ANO1: variants seen among roughly 807,000 people sequenced by gnomAD.
ANO1 encodes the protein anoctamin 1.
Under a neutral mutation model 124.0 loss-of-function variants are expected in ANO1, and 59 were observed. That is an observed-to-expected ratio of 0.48 (90% CI 0.39 to 0.59). The LOEUF (loss-of-function observed/expected upper bound fraction) is 0.59, where lower values mean the gene tolerates loss of function less well. Among genes scored for constraint, ANO1 ranks in the 20% least tolerant of loss-of-function variants. The probability of loss-of-function intolerance (pLI) is 0.00; values close to 1 mark genes in which losing one functional copy is unlikely to be tolerated. For synonymous variants in ANO1, 529 were observed against 532.0 expected (o/e 0.99, Z 0.08); for missense variants, 1,059 against 1,328.0 (o/e 0.80, Z 3.15).
At chr11:69,985,889 G>C (rs1235886766), upstream of ANO1, 2 of 152,290 alleles carry the variant, frequency 1.3e-5, no homozygotes, top group African/African-American at 4.8e-5. Flanking sequence ...AAAGCCGAGG[G>C]GGAGGAGCGG....
chr11:70,001,034 A>G (rs1417630575), intron 1 of ANO1, among the ~76,000 whole-genome samples: 1 of 152,180 alleles, frequency 6.6e-6, no homozygotes, highest in African/African-American at 2.4e-5. Context: ...TAACAAACAC[A>G]TAGTCTGTGG....
chr11:70,004,152 G>A lies in ANO1; in HGVS notation c.58+17986G>A, dbSNP rs142738257. 2.2e-3 allele frequency among the ~76,000 whole-genome samples: 329 copies of A among 152,226 alleles called. 1 individual carries two copies. Among genetic ancestry groups the A allele is most frequent in the African/African-American group, 7.3e-3 (304 of 41,542 alleles). On this transcript the variant is annotated intron_variant, in intron 1 of 27. Coordinates refer to the ANO1 transcript ENST00000531349. ...CCTCACACAGTGGTCTCACCACCCT[G>A]CACCCCACCTGACTTTGTCTTCACA...
At chr11:69,991,327 T>C (rs1856149829) in intron 1 of ANO1, among the ~76,000 whole-genome samples, 1 of 152,240 alleles carries the variant, frequency 6.6e-6, no homozygotes, top group Non-Finnish European at 1.5e-5. Flanking sequence ...TTGGTGTATT[T>C]GAACTTGGGG....
At chr11:69,983,710 T>C (rs892410348), upstream of ANO1, among the ~76,000 whole-genome samples, 2 of 152,222 alleles carry the variant, frequency 1.3e-5, no homozygotes, top group Admixed American at 6.5e-5. Flanking sequence ...AAAAATGAGC[T>C]GGTTCAGGTA....
At chr11:70,148,729 T>C (rs938801588) in intron 11 of ANO1, among the ~76,000 whole-genome samples, 2 of 152,156 alleles carry the variant, frequency 1.3e-5, no homozygotes, top group African/African-American at 4.8e-5. Flanking sequence ...CTCACAAAAG[T>C]TGCTCATTCG....
intron 1 of ANO1, among the ~76,000 whole-genome samples, chr11:70,023,819 GAA>G (rs1389706964): frequency 2.0e-5 from 3 of 152,236 alleles, no homozygotes; most frequent in Non-Finnish European, 4.4e-5. Context: ...ATCAAAGAAA[GAA>G]AAGAGTGGTG....
At chr11:70,023,555 T>G (rs781865245) in intron 1 of ANO1, among the ~76,000 whole-genome samples, 2 of 152,202 alleles carry the variant, frequency 1.3e-5, no homozygotes, top group Non-Finnish European at 2.9e-5. Flanking sequence ...TTCGGCCCAG[T>G]ACTGAGATGG....
intron 1 of ANO1, among the ~76,000 whole-genome samples, chr11:69,996,858 G>T (rs1349058623): frequency 6.6e-6 from 1 of 152,216 alleles, no homozygotes; most frequent in Non-Finnish European, 1.5e-5. Context: ...CCTCCTGCCT[G>T]TCTCTGTAAC....
chr11:70,140,439 G>T (rs2135567473), intron 11 of ANO1, among the ~76,000 whole-genome samples: 1 of 152,146 alleles, frequency 6.6e-6, no homozygotes, highest in African/African-American at 2.4e-5. Flanking sequence ...GCTGAGGCAG[G>T]ATAATCGTTT....
chr11:70,174,952 G>A (rs1345860189), intron 22 of ANO1, among the ~76,000 whole-genome samples: 2 of 130,508 alleles, frequency 1.5e-5, no homozygotes, highest in Non-Finnish European at 3.4e-5. Flanking sequence ...AAAGAAGAGT[G>A]CAGCCCACAC....
intron 2 of ANO1, among the ~76,000 whole-genome samples, chr11:70,101,848 G>A (rs1029400140): frequency 3.3e-5 from 5 of 152,140 alleles, no homozygotes; most frequent in Admixed American, 1.3e-4. Flanking sequence ...GAAAGGAGAC[G>A]TGGATGGGAC....
intron 1 of ANO1, among the ~76,000 whole-genome samples, chr11:70,002,687 G>A (rs1856408614): frequency 6.6e-6 from 1 of 152,080 alleles, no homozygotes; most frequent in Non-Finnish European, 1.5e-5. Flanking sequence ...GTTAAGTGGT[G>A]CATGACTGCA....
chr11:70,019,108 A>G (rs782144054), intron 1 of ANO1, among the ~76,000 whole-genome samples: 3 of 152,146 alleles, frequency 2.0e-5, no homozygotes, highest in Non-Finnish European at 2.9e-5. Flanking sequence ...TCATTTATTC[A>G]TTCGTTCAAC....
At chr11:70,030,467 G>A (rs1856981362) in intron 1 of ANO1, among the ~76,000 whole-genome samples, 1 of 152,176 alleles carries the variant, frequency 6.6e-6, no homozygotes, top group African/African-American at 2.4e-5. Flanking sequence ...CAGCCCTGGA[G>A]GTCAGAAGTC....
intron 1 of ANO1, among the ~76,000 whole-genome samples, chr11:69,999,687 G>A (rs1435946422): frequency 1.3e-5 from 2 of 152,172 alleles, no homozygotes; most frequent in Admixed American, 6.5e-5. Flanking sequence ...TCAATGCCTA[G>A]CACAGGGACT....
chr11:70,034,455 T>C (rs150345699), intron 1 of ANO1, among the ~76,000 whole-genome samples: 3 of 152,178 alleles, frequency 2.0e-5, no homozygotes, highest in Admixed American at 1.3e-4. Context: ...GATACCACCA[T>C]GCCAGGAGAG....
At chr11:70,104,889 G>A (rs1170982390) in intron 4 of ANO1, among the ~76,000 whole-genome samples, 2 of 152,096 alleles carry the variant, frequency 1.3e-5, no homozygotes, top group African/African-American at 4.8e-5. Context: ...GCTCACAGGG[G>A]CCCTTGCTTA....
intron 14 of ANO1, among the ~76,000 whole-genome samples, chr11:70,154,817 G>A (rs935249749): frequency 1.3e-5 from 2 of 152,216 alleles, no homozygotes; most frequent in African/African-American, 4.8e-5. Flanking sequence ...GGACTCAACA[G>A]AATACAACTA....
intron 1 of ANO1, among the ~76,000 whole-genome samples, chr11:70,007,273 CTT>C (rs71046569): frequency 0.024 from 3,235 of 134,598 alleles, 116 homozygotes; most frequent in African/African-American, 0.078. Flanking sequence ...TCCTTTCTTT[CTT>C]TTTTTTTTTT....
Sources: gnomAD v4.1 joint callset for allele counts (sites outside exome capture counted in the v4.1 genomes callset) on GRCh38, gnomAD v4.1.1 for gene constraint, MANE v1.5 for transcripts, NCBI Gene and HGNC (gene_info 2026-07-23, HGNC 2026-07-21) for gene names.